Variants in ABHD2 observed in about 807,000 individuals in gnomAD.
ABHD2 encodes monoacylglycerol lipase ABHD2.
Under a neutral mutation model 48.1 loss-of-function variants are expected in ABHD2, and 20 were observed. The observed-to-expected ratio is 0.42, with a 90% CI of 0.29 to 0.60. ABHD2 has a LOEUF of 0.60. ABHD2 is among the 20% of genes least tolerant of loss of function. The probability of loss-of-function intolerance (pLI) is 0.24; values close to 1 mark genes in which losing one functional copy is unlikely to be tolerated. For missense variants in ABHD2, 405 were observed against 550.9 expected, an observed-to-expected ratio of 0.74 and a Z score of 2.65; for synonymous variants, 209 against 214.2, an observed-to-expected ratio of 0.98 and a Z score of 0.21.
chr15:89,073,682 C>G, the ABHD2 span, among the ~76,000 whole-genome samples: 11 of 152,304 alleles, frequency 7.2e-5, no homozygotes, highest in African/African-American at 2.6e-4. Context: ...TGCGAAGCAT[C>G]TCGGGATCTT....
At chr15:89,147,357 T>TA (rs1303934633) in intron 3 of ABHD2, among the ~76,000 whole-genome samples, 2 of 146,206 alleles carry the variant, frequency 1.4e-5, no homozygotes, top group Non-Finnish European at 3.0e-5. Context: ...GCTCTTTTTT[T>TA]TTTTTTTTTT....
At position 89,104,268 on chromosome 15, in the gene ABHD2, TGGGTGAGTGACCTCAGCTTTGCCCAGCTG is replaced by T. The variant is rs1253259926; in HGVS notation, c.-106-9447_-106-9419del. The stretch of plus-strand genomic sequence containing the variant: ...GAGCCACACAGCTGAAAGAGATGGA[TGGGTGAGTGACCTCAGCTTTGCCCAGCTG>T]GGGTGAGTGGGCCGAGCAAGTCTCT... On this transcript the variant is annotated intron_variant, in intron 1 of 10. Transcript: ENST00000352732. The surrounding 1 kb of genome is among the most constrained non-coding windows in gnomAD (Gnocchi z 4.4). The T allele has an allele frequency of 6.6e-6, 1 of 152,222 alleles. No homozygotes were observed. The highest frequency in any genetic ancestry group is 1.5e-5 in the Non-Finnish European group (1 of 68,090). The allele number at this position is 152,222 out of a possible 1,614,324, so 9.4% of individuals were successfully genotyped here. A position where few individuals can be genotyped will look rare whatever the true frequency, so the allele number is the denominator to read the frequency against.
the ABHD2 span, among the ~76,000 whole-genome samples, chr15:89,055,323 C>CTTTTTTTTTTTTTTTTTTTTTTTTTTTTT: frequency 1.6e-5 from 2 of 124,796 alleles, 1 homozygote. Context: ...ACACTAGTTT[C>CTTTTTTTTTTTTTTTTTTTTTTTTTTTTT]TTTTTTTTTT....
At chr15:89,099,478 TG>T (rs1227602648) in intron 1 of ABHD2, among the ~76,000 whole-genome samples, 3 of 152,090 alleles carry the variant, frequency 2.0e-5, no homozygotes, top group African/African-American at 7.2e-5. Context: ...CCAAGTGTGG[TG>T]GCACATACCT....
chr15:89,197,066 G>C lies in ABHD2; in HGVS notation c.*1643G>C, dbSNP rs1351627409. 6.6e-6 allele frequency: 1 copy of C among 152,630 alleles called. No individual in the cohort carries two copies. Among genetic ancestry groups the C allele is most frequent in the Non-Finnish European group, 1.5e-5 (1 of 68,054 alleles). 9.5% of individuals were successfully genotyped at this position (152,630 alleles called of 1,614,324 possible). A position where few individuals can be genotyped will look rare whatever the true frequency, so the allele number is the denominator to read the frequency against. On this transcript the variant is annotated 3_prime_UTR_variant, in exon 11 of 11. Coordinates refer to ENST00000352732, the MANE Select transcript of ABHD2 (RefSeq NM_152924.5). This position sits in a 1 kb window ranked among gnomAD's most constrained non-coding sequence, Gnocchi z 4.4. ...TTTCAGGGATCAAAGGAGCCACCTG[G>C]GCGCCTGAGTGCCAACCCTCAGGGC...
intron 3 of ABHD2, chr15:89,135,992 T>A (rs1437368341): frequency 3.3e-6 from 1 of 300,770 alleles, no homozygotes; most frequent in African/African-American, 2.2e-5. Flanking sequence ...AATGGCGCAA[T>A]CTCAGCTCAC....
chr15:89,088,146 T>C (rs900170957), upstream of ABHD2: 1 of 152,522 alleles, frequency 6.6e-6, no homozygotes, highest in South Asian at 2.1e-4. This position sits in a 1 kb window ranked among gnomAD's most constrained non-coding sequence, Gnocchi z 6.8. Flanking sequence ...ACGACCCACC[T>C]TCTAGCCCTC....
chr15:89,130,203 T>C (rs1335045425), intron 3 of ABHD2, among the ~76,000 whole-genome samples: 1 of 152,244 alleles, frequency 6.6e-6, no homozygotes, highest in Non-Finnish European at 1.5e-5. Flanking sequence ...ACTAATTACC[T>C]CTAAACCTGC....
rs1373549122 is a variant in ABHD2, at chr15:89,106,371, G to A, written c.-106-7354G>A. 3 of 152,270 alleles carry A rather than the reference G, an allele frequency of 2.0e-5. No homozygotes were observed. The highest frequency in any genetic ancestry group is 1.9e-4 in the East Asian group (1 of 5,194). 9.4% of individuals were successfully genotyped at this position (152,270 alleles called of 1,614,324 possible). The stretch of plus-strand genomic sequence containing the variant: ...CACAGAACCCTCTGTGGGAGGACAC[G>A]TGGTCCTAGACCAACACCGATTTGC... On this transcript the variant is annotated intron_variant, in intron 1 of 10. Coordinates refer to ENST00000352732, the MANE Select transcript of ABHD2 (RefSeq NM_152924.5). The surrounding 1 kb of genome is among the most constrained non-coding windows in gnomAD (Gnocchi z 4.2).
At chr15:89,115,370 ATGTGTGTGTGTGTGTG>A (rs1164718189) in intron 2 of ABHD2, among the ~76,000 whole-genome samples, 8,163 of 100,264 alleles carry the variant, frequency 0.081, 335 homozygotes, top group East Asian at 0.1. Flanking sequence ...GTTTGGAGGT[ATGTGTGTGTGTGTGTG>A]TGTGTGTGTG....
intron 5 of ABHD2, among the ~76,000 whole-genome samples, chr15:89,160,650 AT>A (rs1325859320): frequency 6.6e-6 from 1 of 152,168 alleles, no homozygotes; most frequent in Non-Finnish European, 1.5e-5. Context: ...CTATCCATCC[AT>A]TATGGCTTAG....
intron 5 of ABHD2, among the ~76,000 whole-genome samples, chr15:89,172,032 TTA>T (rs1491105396): frequency 6.0e-5 from 9 of 150,366 alleles, no homozygotes; most frequent in African/African-American, 1.7e-4. Context: ...TGCTTTTTTT[TTA>T]AAAAAAATCC....
At chr15:89,139,051 A>G (rs1356158790) in intron 3 of ABHD2, among the ~76,000 whole-genome samples, 1 of 151,950 alleles carries the variant, frequency 6.6e-6, no homozygotes, top group East Asian at 1.9e-4. Context: ...CCCTGTCTCT[A>G]CAAAAAAAAA....
At chr15:89,059,996 A>G in the ABHD2 span, among the ~76,000 whole-genome samples, 5 of 151,110 alleles carry the variant, frequency 3.3e-5, no homozygotes, top group Non-Finnish European at 7.4e-5. Flanking sequence ...AGCCTTTTCC[A>G]TTCAAAGCGG....
Position 89,091,496 on chromosome 15 carries a change from C to A in ABHD2, c.-107+2933C>A, listed in dbSNP as rs766089692. Among the ~76,000 whole-genome samples, 1 of 152,168 alleles carries A rather than the reference C, an allele frequency of 6.6e-6. No homozygotes were observed. Among genetic ancestry groups the A allele is most frequent in the Non-Finnish European group, 1.5e-5 (1 of 68,038 alleles). On this transcript the variant is annotated intron_variant, in intron 1 of 10. Coordinates refer to ENST00000352732, the MANE Select transcript of ABHD2 (RefSeq NM_152924.5). The surrounding 1 kb of genome is among the most constrained non-coding windows in gnomAD (Gnocchi z 5.5). ...TCAGTATTTTGGTGGATGAGCTTCT[C>A]ATTTGCTGTTACTCGTTGCTTTAAG...
chr15:89,120,424 A>AT lies in ABHD2; in HGVS notation c.194+3910dup, dbSNP rs1323198671. 1.3e-5 allele frequency among the ~76,000 whole-genome samples: 2 copies of AT among 152,088 alleles called. No individual in the cohort carries two copies. Among genetic ancestry groups the AT allele is most frequent in the East Asian group, 1.9e-4 (1 of 5,194 alleles). Reference sequence around the variant, plus strand: ...TCAATAAAAACTTTGATGCATATTCATTTTTTTAAATGGAAAAGGTAGAGC... The same window carrying AT: ...TCAATAAAAACTTTGATGCATATTCATTTTTTTTAAATGGAAAAGGTAGAGC... On this transcript the variant is annotated intron_variant, in intron 3 of 10. Transcript: ENST00000352732. The surrounding 1 kb of genome is among the most constrained non-coding windows in gnomAD (Gnocchi z 4.2).
At chr15:89,054,214 C>G in the ABHD2 span, among the ~76,000 whole-genome samples, 3 of 148,138 alleles carry the variant, frequency 2.0e-5, no homozygotes, top group Admixed American at 6.8e-5. Context: ...CCCAGCTACT[C>G]GGGAGGCTGA....
chr15:89,139,809 A>T (rs141386576), intron 3 of ABHD2, among the ~76,000 whole-genome samples: 1 of 152,062 alleles, frequency 6.6e-6, no homozygotes, highest in Non-Finnish European at 1.5e-5. Context: ...GCCTGTGAAG[A>T]TGGGCATTCT....
intron 3 of ABHD2, among the ~76,000 whole-genome samples, chr15:89,133,994 G>C (rs895716091): frequency 5.3e-5 from 8 of 151,822 alleles, no homozygotes; most frequent in African/African-American, 1.9e-4. Context: ...CTGCCACCAC[G>C]ACCGGCTAAT....
Sources: allele counts gnomAD v4.1 joint callset (sites outside exome capture counted in the v4.1 genomes callset), GRCh38; gene constraint gnomAD v4.1.1; non-coding constraint Gnocchi (gnomAD v3.1); transcripts MANE v1.5; gene names NCBI Gene and HGNC (gene_info 2026-07-23, HGNC 2026-07-21).